Variants in EMX2 observed in about 807,000 individuals in gnomAD.
EMX2 encodes the protein empty spiracles homeobox 2.
EMX2 carries 6 observed loss-of-function variants against 23.0 expected under a neutral mutation model. The ratio of observed to expected loss-of-function variants is 0.26; its 90% CI spans 0.14 to 0.52. EMX2 has a LOEUF of 0.52. EMX2 is among the 20% of genes least tolerant of loss of function. The pLI is 0.97. For synonymous variants in EMX2, 175 were observed against 153.3 expected (o/e 1.14, Z -1.04); for missense variants, 302 against 341.4 (o/e 0.88, Z 0.91).
Position 117,545,358 on chromosome 10 carries a change from G to A in EMX2, c.407-274G>A, listed in dbSNP as rs544860920. ...CGAGGCCCGCGGCGCCAGGGCGGCTGCGGAGCCGGCCGAGGTCAGGAGCCT... is the reference window on the plus strand; with the variant it reads ...CGAGGCCCGCGGCGCCAGGGCGGCTACGGAGCCGGCCGAGGTCAGGAGCCT... On this transcript the variant is annotated intron_variant, in intron 1 of 2. Coordinates refer to ENST00000553456, the MANE Select transcript of EMX2 (RefSeq NM_004098.4). 5.2e-4 allele frequency: 188 copies of A among 360,138 alleles called. 3 individuals carry two copies. In the South Asian group the frequency reaches 1.0e-2, roughly 19 times the overall value. The allele number at this position is 360,138 out of a possible 1,614,324, so 22.3% of individuals were successfully genotyped here.
At position 117,542,938 on chromosome 10, in the gene EMX2, GAAAAA is replaced by G. The variant is rs1207437384; in HGVS notation, c.-325_-321del. Reference sequence around the variant, plus strand: ...CAAAAAAAAAAAAAAAAAAAAAAAAGAAAAAAAAAGAAAAAAAAAGAAAAAAAATT... The same window carrying G: ...CAAAAAAAAAAAAAAAAAAAAAAAAGAAAAGAAAAAAAAAGAAAAAAAATT... On this transcript the variant is annotated 5_prime_UTR_variant, in exon 1 of 3. Coordinates refer to ENST00000553456, the MANE Select transcript of EMX2 (RefSeq NM_004098.4). 1 of 47,406 alleles carries G rather than the reference GAAAAA, an allele frequency of 2.1e-5. No individual in the cohort carries two copies. Among genetic ancestry groups the G allele is most frequent in the African/African-American group, 9.5e-5 (1 of 10,524 alleles). 2.9% of individuals were successfully genotyped at this position (47,406 alleles called of 1,614,324 possible). A position where few individuals can be genotyped will look rare whatever the true frequency, so the allele number is the denominator to read the frequency against.
chr10:117,547,983 C>T (rs1183410102), intron 2 of EMX2, 82 bp from the exon 3 acceptor site: 3 of 1,536,696 alleles, frequency 2.0e-6, no homozygotes, highest in East Asian at 2.4e-5. Flanking sequence ...GAACTGGAGT[C>T]TGGGCTGGGT....
At position 117,546,515 on chromosome 10, in the gene EMX2, G is replaced by GTT. The variant is rs34814147; in HGVS notation, c.591+705_591+706dup. Among the ~76,000 whole-genome samples, 25 of 152,160 alleles carry GTT rather than the reference G, an allele frequency of 1.6e-4. No homozygotes were observed. The South Asian group carries it at 2.5e-3, about 15-fold the overall frequency. On this transcript the variant is annotated intron_variant, in intron 2 of 2. Transcript: ENST00000553456. ...GTCAAAGTTCCCAGCAAACAGTAAC[G>GTT]TTTTTTTGGGCAGACTAAGTTGTAA...
chr10:117,548,409 G>T lies in EMX2; in HGVS notation c.*177G>T. The T allele has an allele frequency of 9.4e-7, 1 of 1,067,000 alleles. No homozygotes were observed. 66.1% of individuals were successfully genotyped at this position (1,067,000 alleles called of 1,614,324 possible). A position where few individuals can be genotyped will look rare whatever the true frequency, so the allele number is the denominator to read the frequency against. The stretch of plus-strand genomic sequence containing the variant: ...GAAGACTCTGGACAGCGAGGGCACA[G>T]GGTCCCAAACCGAGGCCGCGCCAAG... On this transcript the variant is annotated 3_prime_UTR_variant, in exon 3 of 3. Transcript: ENST00000553456.
chr10:117,548,252 C>T lies in EMX2; in HGVS notation c.*20C>T, dbSNP rs1018054557. 8.1e-6 allele frequency: 13 copies of T among 1,612,364 alleles called. No individual in the cohort carries two copies. The highest frequency in any genetic ancestry group is 1.6e-4 in the Middle Eastern group (1 of 6,070). On this transcript the variant is annotated 3_prime_UTR_variant, in exon 3 of 3. Transcript: ENST00000553456. Reference sequence around the variant, plus strand: ...GATTAAAAACATAAACCTAACCCCACAGAAACGGACAACATGGAGCAAAAG... The same window carrying T: ...GATTAAAAACATAAACCTAACCCCATAGAAACGGACAACATGGAGCAAAAG...
chr10:117,545,714 G>A lies in EMX2; in HGVS notation c.489G>A (p.Pro163=), dbSNP rs1589649283. ...KPKRIRTAFS[P]SQLLRLEHAF... ...AGCGGATCCGAACCGCCTTCTCCCC[G>A]TCCCAGCTTCTAAGGCTGGAACACG... The change falls in exon 2 of 3, where the codon CCG becomes CCA. Residue 163 remains proline (P), a synonymous_variant. Coordinates refer to ENST00000553456, the MANE Select transcript of EMX2 (RefSeq NM_004098.4). 3.1e-6 allele frequency: 5 copies of A among 1,614,112 alleles called. No homozygotes were observed. The highest frequency in any genetic ancestry group is 4.2e-6 in the Non-Finnish European group (5 of 1,180,034).
intron 1 of EMX2, 78 bp from the exon 2 acceptor site, chr10:117,545,554 C>A: frequency 6.3e-7 from 1 of 1,582,164 alleles, no homozygotes; most frequent in East Asian, 2.3e-5. Context: ...CGGTGCCGGG[C>A]CAGCCCGGCT....
chr10:117,545,619 G>A lies in EMX2; in HGVS notation c.407-13G>A, dbSNP rs1846566538. 1 of 1,613,812 alleles carries A rather than the reference G, an allele frequency of 6.2e-7. No individual in the cohort carries two copies. The highest frequency in any genetic ancestry group is 8.5e-7 in the Non-Finnish European group (1 of 1,180,040). On this transcript the variant is annotated splice_polypyrimidine_tract_variant and intron_variant, in intron 1 of 2. Transcript: ENST00000553456. ...AGCCCCCCCTAATGGGATTTCTGCT[G>A]TGCTCCCCGCAGGGAACGACACTAG...
intron 1 of EMX2, chr10:117,544,380 TA>T (rs58443476): frequency 0.51 from 75,270 of 146,442 alleles, 20,429 homozygotes; most frequent in Non-Finnish European, 0.62. Flanking sequence ...TTTCTTTCTT[TA>T]AAAAAAAAAA....
chr10:117,545,468 G>T (rs575791903), intron 1 of EMX2, among the ~76,000 whole-genome samples, 164 bp from the exon 2 acceptor site: 1 of 152,328 alleles, frequency 6.6e-6, no homozygotes, highest in East Asian at 1.9e-4. Context: ...CTGAGCAGGC[G>T]TTCCCTTCGT....
chr10:117,543,260 G>A lies in EMX2; in HGVS notation c.-8G>A, dbSNP rs761378350. Reference sequence around the variant, plus strand: ...TGGGAGCCCAGGGCGCCCGCTCCTCGGCGCAGCATGTTCCAGCCGGCGCCC... The same window carrying A: ...TGGGAGCCCAGGGCGCCCGCTCCTCAGCGCAGCATGTTCCAGCCGGCGCCC... On this transcript the variant is annotated 5_prime_UTR_variant, in exon 1 of 3. Coordinates refer to ENST00000553456, the MANE Select transcript of EMX2 (RefSeq NM_004098.4). 7 of 1,532,100 alleles carry A rather than the reference G, an allele frequency of 4.6e-6. No individual in the cohort carries two copies. The East Asian group carries it at 1.3e-4, about 28-fold the overall frequency. 94.9% of individuals were successfully genotyped at this position (1,532,100 alleles called of 1,614,324 possible). A position where few individuals can be genotyped will look rare whatever the true frequency, so the allele number is the denominator to read the frequency against.
Position 117,545,633 on chromosome 10 carries a change from G to A in EMX2, c.408G>A (p.Gly136=), listed in dbSNP as rs1350852601. 7 of 1,613,794 alleles carry A rather than the reference G, an allele frequency of 4.3e-6. No individual in the cohort carries two copies. The highest frequency in any genetic ancestry group is 3.3e-5 in the Admixed American group (2 of 60,004). ...RYRYLGHRFQ[G]NDTSPESFLL... ...GGATTTCTGCTGTGCTCCCCGCAGG[G>A]AACGACACTAGCCCCGAGAGTTTCC... The change falls in exon 2 of 3, where the codon GGG becomes GGA. Residue 136 remains glycine, a splice_region_variant and synonymous_variant. Coordinates refer to ENST00000553456, the MANE Select transcript of EMX2 (RefSeq NM_004098.4).
At chr10:117,545,594 A>C (rs1846565761) in intron 1 of EMX2, 38 bp from the exon 2 acceptor site, 1 of 1,612,236 alleles carries the variant, frequency 6.2e-7, no homozygotes, top group South Asian at 1.1e-5. Flanking sequence ...CGGTCAGAGC[A>C]GCCCCCCCTA....
chr10:117,545,829 C>G lies in EMX2; in HGVS notation c.591+13C>G. 3.1e-6 allele frequency: 5 copies of G among 1,613,614 alleles called. No homozygotes were observed. Among genetic ancestry groups the G allele is most frequent in the Non-Finnish European group, 4.2e-6 (5 of 1,179,994 alleles). The stretch of plus-strand genomic sequence containing the variant: ...CACGGAAACTCAGGTGACTGCGGCC[C>G]GGGCGCGAGGAACCCATCTAGGCGT... On this transcript the variant is annotated intron_variant, in intron 2 of 2. Transcript: ENST00000553456.
rs746455640 is a variant in EMX2, at chr10:117,543,561, C to G, written c.294C>G (p.Pro98=). Residue 98 remains proline (P), a synonymous_variant, in exon 1 of 3, where the codon CCC becomes CCG. Transcript: ENST00000553456. ...CGCCGCACGCCCTGGCCGCCCACCCCCTACCCTCCTCGCACTCGCCACACC... is the reference window on the plus strand; with the variant it reads ...CGCCGCACGCCCTGGCCGCCCACCCGCTACCCTCCTCGCACTCGCCACACC... ...VPPPHALAAH[P]LPSSHSPHPL... 5.0e-6 allele frequency: 8 copies of G among 1,613,056 alleles called. No homozygotes were observed. The highest frequency in any genetic ancestry group is 1.6e-4 in the Middle Eastern group (1 of 6,062).
At chr10:117,545,483 C>A in intron 1 of EMX2, 149 bp from the exon 2 acceptor site, 2 of 967,692 alleles carry the variant, frequency 2.1e-6, no homozygotes, top group Non-Finnish European at 3.0e-6. Context: ...CTTCGTGAGC[C>A]CTTGGGAGGA....
chr10:117,548,551 AG>A lies in EMX2; in HGVS notation c.*320del. The A allele has an allele frequency of 4.3e-4, 1 of 2,350 alleles. No homozygotes were observed. Among genetic ancestry groups the A allele is most frequent in the Non-Finnish European group, 1.1e-3 (1 of 914 alleles). The allele number at this position is 2,350 out of a possible 1,614,324, so 0.1% of individuals were successfully genotyped here. A position where few individuals can be genotyped will look rare whatever the true frequency, so the allele number is the denominator to read the frequency against. On this transcript the variant is annotated 3_prime_UTR_variant, in exon 3 of 3. Coordinates refer to ENST00000553456, the MANE Select transcript of EMX2 (RefSeq NM_004098.4). ...GGGAGAGAGAGAAAGAGAGAGAAAG[AG>A]AGAGAGAGAGAGAGAGAGAGAAAGC... is the stretch of plus-strand genomic sequence containing the variant.
chr10:117,543,065 G>GCCTCTC lies in EMX2; in HGVS notation c.-192_-187dup, dbSNP rs1846514755. The GCCTCTC allele has an allele frequency of 2.0e-6, 1 of 510,032 alleles. No homozygotes were observed. The highest frequency in any genetic ancestry group is 4.2e-5 in the Admixed American group (1 of 23,966). The allele number at this position is 510,032 out of a possible 1,614,324, so 31.6% of individuals were successfully genotyped here. ...CAAGATTCTCGGGATCCTCGGCTTTGCCTCTCCCTCTCCCTCCCCCCTCCT... is the reference window on the plus strand; with the variant it reads ...CAAGATTCTCGGGATCCTCGGCTTTGCCTCTCCCTCTCCCTCTCCCTCCCCCCTCCT... On this transcript the variant is annotated 5_prime_UTR_variant, in exon 1 of 3. Coordinates refer to ENST00000553456, the MANE Select transcript of EMX2 (RefSeq NM_004098.4).
In EMX2 at chr10:117,543,610, G is replaced by A. The variant is rs765079655; in HGVS notation, c.343G>A (p.Asp115Asn). The stretch of plus-strand genomic sequence containing the variant: ...CCCCCTATTCGCCTCGCAGCAGCGG[G>A]ATCCGTCCACCTTCTACCCCTGGCT... ...PHPLFASQQR[D>N]PSTFYPWLIH... is the part of the protein sequence containing the mutation. The change falls in exon 1 of 3, where the codon GAT (aspartate) becomes AAT (asparagine). Residue 115 changes from aspartate to asparagine, a missense_variant. Physicochemically the swap from Asp to Asn is conservative, Grantham distance 23. Transcript: ENST00000553456. The A allele has an allele frequency of 1.6e-5, 26 of 1,613,378 alleles. No homozygotes were observed. Among genetic ancestry groups the A allele is most frequent in the Non-Finnish European group, 2.1e-5 (25 of 1,179,730 alleles).
Sources: allele counts gnomAD v4.1 joint callset (sites outside exome capture counted in the v4.1 genomes callset), GRCh38; gene constraint gnomAD v4.1.1; transcripts MANE v1.5; gene names NCBI Gene and HGNC (gene_info 2026-07-23, HGNC 2026-07-21).